Variants in PHACTR3 observed in about 807,000 individuals in gnomAD.
PHACTR3 encodes the protein protein phosphatase 1, regulatory subunit 123.
Under a neutral mutation model 66.8 loss-of-function variants are expected in PHACTR3, and 16 were observed. That is an observed-to-expected ratio of 0.24 (90% confidence interval 0.16 to 0.36). PHACTR3 has a LOEUF of 0.36. Ranked by LOEUF, PHACTR3 falls within the 10% of genes least tolerant of loss-of-function variation. The pLI, the probability that PHACTR3 is intolerant of heterozygous loss-of-function variation, is 1.00. For missense variants in PHACTR3, 647 were observed against 719.9 expected (o/e 0.90, Z 1.16); for synonymous variants, 323 against 292.1 (o/e 1.11, Z -1.08).
chr20:59,636,525 G>A (rs1423361792), intron 1 of PHACTR3, among the ~76,000 whole-genome samples: 1 of 152,202 alleles, frequency 6.6e-6, no homozygotes, highest in African/African-American at 2.4e-5. Flanking sequence ...GGCATGGGGA[G>A]GGGAAGGGGT....
chr20:59,635,161 C>CT (rs1414853190), intron 1 of PHACTR3, among the ~76,000 whole-genome samples: 7 of 44,042 alleles, frequency 1.6e-4, no homozygotes, highest in African/African-American at 3.0e-4. Context: ...TTCTTTCTTT[C>CT]TTTCTTTCCT....
chr20:59,625,373 C>T (rs980253163), intron 1 of PHACTR3, among the ~76,000 whole-genome samples: 5 of 151,940 alleles, frequency 3.3e-5, no homozygotes, highest in Non-Finnish European at 5.9e-5. Context: ...CTGCCCAGTA[C>T]GGCTGCCTGT....
intron 7 of PHACTR3, among the ~76,000 whole-genome samples, chr20:59,793,329 T>C (rs1419486543): frequency 6.6e-6 from 1 of 152,222 alleles, no homozygotes; most frequent in East Asian, 1.9e-4. Flanking sequence ...AATAATGTCA[T>C]TGGTATTTTG....
In PHACTR3 at chr20:59,758,758, G is replaced by A. The variant is rs181734052; in HGVS notation, c.541+3394G>A. Among the ~76,000 whole-genome samples the A allele has an allele frequency of 3.9e-5, 6 of 152,322 alleles. No homozygotes were observed. In the East Asian group the frequency reaches 5.8e-4, roughly 15 times the overall value. ...AGGGCAATGTCTTTGACATCAGGCC[G>A]ACCTGGGTTTGAGACACACGGCTGA... On this transcript the variant is annotated intron_variant, in intron 4 of 12. Transcript: ENST00000371015.
At position 59,690,457 on chromosome 20, in the gene PHACTR3, G is replaced by A. The variant is rs533447833; in HGVS notation, c.119-52650G>A. On this transcript the variant is annotated intron_variant, in intron 1 of 12. Transcript: ENST00000371015. ...GTTTGCTCTCTCTCTTCCCCTACTG[G>A]ATTGTCAACTTCCTGAGAGCCAAGG... is the stretch of plus-strand genomic sequence containing the variant. 4.7e-4 allele frequency among the ~76,000 whole-genome samples: 72 copies of A among 152,320 alleles called. 1 individual carries two copies. The highest frequency in any genetic ancestry group is 1.6e-3 in the African/African-American group (68 of 41,586).
At chr20:59,617,629 T>G (rs958598792) in intron 1 of PHACTR3, among the ~76,000 whole-genome samples, 14 of 152,140 alleles carry the variant, frequency 9.2e-5, no homozygotes, top group African/African-American at 2.9e-4. Context: ...AGTTGTTCAC[T>G]TTAGCACCCA....
intron 7 of PHACTR3, among the ~76,000 whole-genome samples, chr20:59,786,396 G>A (rs1428050883): frequency 6.6e-6 from 1 of 152,216 alleles, no homozygotes; most frequent in Non-Finnish European, 1.5e-5. Flanking sequence ...CCTACTCCAA[G>A]GCCCTTCTGT....
intron 4 of PHACTR3, 51 bp downstream of exon 4, chr20:59,755,415 G>T (rs567483215): frequency 1.9e-6 from 3 of 1,575,488 alleles, no homozygotes; most frequent in Non-Finnish European, 8.6e-7. Context: ...ATGGCCATAC[G>T]TCCCCACTGT....
At chr20:59,842,214 G>T (rs1049757642) in intron 11 of PHACTR3, among the ~76,000 whole-genome samples, 10 of 152,200 alleles carry the variant, frequency 6.6e-5, no homozygotes, top group Non-Finnish European at 1.2e-4. Context: ...TGACTGGCAA[G>T]ATTTAAGCCC....
In PHACTR3 at chr20:59,684,189, C is replaced by T. The variant is rs190328744; in HGVS notation, c.119-58918C>T. 2.6e-5 allele frequency among the ~76,000 whole-genome samples: 4 copies of T among 152,252 alleles called. No homozygotes were observed. The East Asian group carries it at 7.7e-4, about 29-fold the overall frequency. On this transcript the variant is annotated intron_variant, in intron 1 of 12. Transcript: ENST00000371015. ...CTCTCTGAGAATTCTCACTGGGGCT[C>T]ATATCTTTTAAATTAAGTAGTCTGC...
Position 59,590,935 on chromosome 20 carries a change from C to T in PHACTR3, c.109+13318C>T, listed in dbSNP as rs144169096. On this transcript the variant is annotated intron_variant, in intron 1 of 12. Transcript: ENST00000359926. ...TAATCACCATCATCTCTGAGCGCTG[C>T]GCTGTCCTGTGCAGGACCCATGTCC... Among the ~76,000 whole-genome samples the T allele has an allele frequency of 5.3e-3, 805 of 152,284 alleles. 3 individuals carry two copies. The highest frequency in any genetic ancestry group is 8.5e-3 in the Non-Finnish European group (580 of 68,024).
At chr20:59,590,841 T>C (rs897463353) in intron 1 of PHACTR3, among the ~76,000 whole-genome samples, 1 of 152,120 alleles carries the variant, frequency 6.6e-6, no homozygotes, top group Non-Finnish European at 1.5e-5. Flanking sequence ...GCAAAAGGTG[T>C]GCACAGGGGC....
At chr20:59,742,356 A>G (rs1212501542) in intron 1 of PHACTR3, among the ~76,000 whole-genome samples, 4 of 152,310 alleles carry the variant, frequency 2.6e-5, no homozygotes, top group South Asian at 4.1e-4. Flanking sequence ...CAGCACTGCC[A>G]TGAGCTTCCT....
chr20:59,647,356 A>G (rs1327742011), intron 1 of PHACTR3, among the ~76,000 whole-genome samples: 1 of 152,220 alleles, frequency 6.6e-6, no homozygotes, highest in Non-Finnish European at 1.5e-5. Flanking sequence ...TGTGGAGATT[A>G]TTACAATTCA....
At chr20:59,710,769 T>TCCCTCACC (rs11282662) in intron 1 of PHACTR3, among the ~76,000 whole-genome samples, 114,809 of 150,740 alleles carry the variant, frequency 0.76, 43,855 homozygotes, top group African/African-American at 0.82. Flanking sequence ...ACCATGGCTT[T>TCCCTCACC]CCCTCACCCA....
In PHACTR3 at chr20:59,642,014, C is replaced by T. The variant is rs115950402; in HGVS notation, c.118+36882C>T. Among the ~76,000 whole-genome samples the T allele has an allele frequency of 7.0e-3, 1,064 of 152,248 alleles. 18 individuals carry two copies. The highest frequency in any genetic ancestry group is 0.025 in the African/African-American group (1,022 of 41,532). On this transcript the variant is annotated intron_variant, in intron 1 of 12. Transcript: ENST00000371015. ...TGGATGTCACATGGCTGTCCTAGCT[C>T]CTGGGGAGGGTGCAGACAACATCTC...
intron 1 of PHACTR3, among the ~76,000 whole-genome samples, chr20:59,682,020 A>AG (rs1568706499): frequency 6.6e-6 from 1 of 151,566 alleles, no homozygotes; most frequent in African/African-American, 2.4e-5. Flanking sequence ...CAAAAAAAAA[A>AG]AAAGAAAGAA....
chr20:59,724,201 T>C (rs890440826), intron 1 of PHACTR3, among the ~76,000 whole-genome samples: 4 of 152,124 alleles, frequency 2.6e-5, no homozygotes, highest in African/African-American at 9.6e-5. Flanking sequence ...CCCATGTTCA[T>C]TTCAACCCCC....
chr20:59,773,500 C>T, intron 6 of PHACTR3, 47 bp downstream of exon 6: 1 of 1,531,346 alleles, frequency 6.5e-7, no homozygotes. Flanking sequence ...AGAATCCCTG[C>T]CTGGCCAGCC....
Sources: gnomAD v4.1 joint callset for allele counts (sites outside exome capture counted in the v4.1 genomes callset) on GRCh38, gnomAD v4.1.1 for gene constraint, MANE v1.5 for transcripts, NCBI Gene and HGNC (gene_info 2026-07-23, HGNC 2026-07-21) for gene names.